DTNB: variants seen among roughly 807,000 people sequenced by gnomAD.
DTNB encodes the protein DTN-B.
Under a neutral mutation model 90.7 loss-of-function variants are expected in DTNB, and 63 were observed. The ratio of observed to expected loss-of-function variants is 0.69; its 90% confidence interval spans 0.57 to 0.86. The LOEUF (loss-of-function observed/expected upper bound fraction) is 0.86, where lower values mean the gene tolerates loss of function less well. Ranked by LOEUF, DTNB falls within the 40% of genes least tolerant of loss-of-function variation. The probability of loss-of-function intolerance (pLI) is 0.00; values close to 1 mark genes in which losing one functional copy is unlikely to be tolerated. For missense variants in DTNB, 744 were observed against 807.1 expected, an observed-to-expected ratio of 0.92 and a Z score of 0.95; for synonymous variants, 277 against 286.7, an observed-to-expected ratio of 0.97 and a Z score of 0.34.
chr2:25,470,481 T>C (rs2062591448), intron 10 of DTNB, among the ~76,000 whole-genome samples: 1 of 151,078 alleles, frequency 6.6e-6, no homozygotes, highest in South Asian at 2.1e-4. Context: ...GTTCAGGCAA[T>C]TCTCCTGCCT....
chr2:25,380,207 C>T (rs996312431), intron 19 of DTNB, among the ~76,000 whole-genome samples: 6 of 152,136 alleles, frequency 3.9e-5, no homozygotes, highest in Admixed American at 3.9e-4. Flanking sequence ...GTTTATATTA[C>T]GTCAGTATGG....
intron 8 of DTNB, among the ~76,000 whole-genome samples, chr2:25,561,877 C>G (rs916383024): frequency 6.6e-6 from 1 of 152,176 alleles, no homozygotes; most frequent in Non-Finnish European, 1.5e-5. Flanking sequence ...CTCAGGTATT[C>G]CTTTATAGTA....
intron 7 of DTNB, among the ~76,000 whole-genome samples, chr2:25,579,651 T>G (rs984428526): frequency 6.6e-6 from 1 of 151,790 alleles, no homozygotes; most frequent in Admixed American, 6.6e-5. Context: ...CAAAGATTTA[T>G]GTCAAATTAC....
intron 5 of DTNB, 28 bp from the exon 6 acceptor site, chr2:25,596,268 A>T: frequency 1.3e-6 from 2 of 1,569,550 alleles, no homozygotes; most frequent in South Asian, 2.4e-5. Flanking sequence ...AATAAAGTCA[A>T]GCTATAAGGA....
At position 25,637,802 on chromosome 2, in the gene DTNB, G is replaced by A. The variant is rs557792879; in HGVS notation, c.148+1212C>T. 1.9e-3 allele frequency among the ~76,000 whole-genome samples: 282 copies of A among 152,286 alleles called. 1 individual carries two copies. Among genetic ancestry groups the A allele is most frequent in the African/African-American group, 6.4e-3 (266 of 41,548 alleles). ...CAACCATTGTGGAAGACAGTGTGGC[G>A]ATTCCTCAAGGATCTAGAACTAGAA... On this transcript the variant is annotated intron_variant, in intron 3 of 20. Transcript: ENST00000406818.
rs1176853781 is a variant in DTNB, at chr2:25,616,949, AAAAGG to A, written c.363-9633_363-9629del. Reference sequence around the variant, plus strand: ...CCCGTCTCAAAAAAAAAAAAAAAAAAAAAGGAAAAAAAAGACTCATTAACCCCTCA... The same window carrying A: ...CCCGTCTCAAAAAAAAAAAAAAAAAAAAAAAAAAGACTCATTAACCCCTCA... On this transcript the variant is annotated intron_variant, in intron 4 of 20. Transcript: ENST00000406818. Among the ~76,000 whole-genome samples, 37 of 131,620 alleles carry A rather than the reference AAAAGG, an allele frequency of 2.8e-4. 1 individual carries two copies. Among genetic ancestry groups the A allele is most frequent in the South Asian group, 5.0e-4 (2 of 4,034 alleles). The allele number at this position is 131,620 out of a possible 152,430, so 86.3% of individuals were successfully genotyped here.
chr2:25,388,805 C>T (rs868360697), intron 16 of DTNB, among the ~76,000 whole-genome samples: 3 of 149,260 alleles, frequency 2.0e-5, no homozygotes, highest in Middle Eastern at 3.5e-3. Context: ...AAAGGACATA[C>T]GTGTGTGTGT....
At chr2:25,601,618 T>C (rs539943665) in intron 5 of DTNB, among the ~76,000 whole-genome samples, 48 of 152,158 alleles carry the variant, frequency 3.2e-4, no homozygotes, top group Non-Finnish European at 6.0e-4. Flanking sequence ...TTTTTGCAGA[T>C]GAAAGGGCTG....
At chr2:25,636,077 T>G (rs2077067765) in intron 3 of DTNB, among the ~76,000 whole-genome samples, 1 of 152,224 alleles carries the variant, frequency 6.6e-6, no homozygotes, top group Non-Finnish European at 1.5e-5. Flanking sequence ...AAATTGTTTA[T>G]TTTCTTCTGT....
intron 2 of DTNB, among the ~76,000 whole-genome samples, chr2:25,650,463 G>A (rs558913928): frequency 6.6e-6 from 1 of 152,288 alleles, no homozygotes; most frequent in South Asian, 2.1e-4. Context: ...TTGTGCAAAG[G>A]CGGAAAGGCA....
chr2:25,462,467 T>C (rs1033779943), intron 10 of DTNB, among the ~76,000 whole-genome samples: 2 of 152,170 alleles, frequency 1.3e-5, no homozygotes, highest in Non-Finnish European at 2.9e-5. Context: ...ATTGAGAGCA[T>C]GGGCTTTGGT....
intron 2 of DTNB, among the ~76,000 whole-genome samples, chr2:25,641,156 A>G (rs1342828778): frequency 1.3e-5 from 2 of 152,160 alleles, no homozygotes; most frequent in African/African-American, 2.4e-5. Context: ...ATGCATCACC[A>G]TAAAGCCCAG....
Position 25,383,906 on chromosome 2 carries a change from A to G in DTNB, c.1826-17T>C, listed in dbSNP as rs914517529. On this transcript the variant is annotated splice_polypyrimidine_tract_variant and intron_variant, in intron 18 of 20. Transcript: ENST00000406818. ...CTTCCTCTGCTGTGAAAACAAGTCCAAGGAGGCCAGTGACCCTTCGGCACA... is the reference window on the plus strand; with the variant it reads ...CTTCCTCTGCTGTGAAAACAAGTCCGAGGAGGCCAGTGACCCTTCGGCACA... The G allele has an allele frequency of 3.1e-6, 5 of 1,613,920 alleles. No homozygotes were observed. The highest frequency in any genetic ancestry group is 1.7e-5 in the Admixed American group (1 of 60,010).
intron 19 of DTNB, among the ~76,000 whole-genome samples, chr2:25,381,654 G>A (rs989778856): frequency 1.6e-4 from 24 of 152,338 alleles, no homozygotes; most frequent in African/African-American, 5.3e-4. Context: ...GGGATTACAG[G>A]TGTAAGCCAC....
intron 16 of DTNB, among the ~76,000 whole-genome samples, chr2:25,409,992 C>CT (rs1432598012): frequency 1.3e-5 from 2 of 152,218 alleles, no homozygotes; most frequent in South Asian, 2.1e-4. Flanking sequence ...GATCATGTCT[C>CT]TATTTTCACT....
chr2:25,615,331 G>A lies in DTNB; in HGVS notation c.363-8010C>T, dbSNP rs569502946. 1.2e-4 allele frequency among the ~76,000 whole-genome samples: 19 copies of A among 152,008 alleles called. No individual in the cohort carries two copies. The East Asian group carries it at 3.7e-3, about 29-fold the overall frequency. ...TTTAATAGAGGCTTCATTACCTAGG[G>A]GTGACTGATTATATCTTTGGCCACT... On this transcript the variant is annotated intron_variant, in intron 4 of 20. Transcript: ENST00000406818.
rs2040089317 is a variant in DTNB at position 25,388,269 on chromosome 2, G to A, written c.1668C>T (p.Thr556=). 1 of 1,610,578 alleles carries A rather than the reference G, an allele frequency of 6.2e-7. No homozygotes were observed. The highest frequency in any genetic ancestry group is 8.5e-7 in the Non-Finnish European group (1 of 1,178,740). Residue 556 remains threonine (T), a synonymous_variant, in exon 17 of 21, where the codon ACC becomes ACT. Transcript: ENST00000406818. ...MPVRSTSAGS[T]PTHCPQDSLS... ...GCGAGTCCTGCGGACAGTGGGTGGG[G>A]GTGGAGCCGGCAGACGTGGAGCGCA...
At chr2:25,452,442 A>G (rs1410859817) in intron 11 of DTNB, among the ~76,000 whole-genome samples, 7 of 152,234 alleles carry the variant, frequency 4.6e-5, no homozygotes. Flanking sequence ...GACTGTGGCT[A>G]TATAATTCTC....
chr2:25,582,308 G>A (rs1447604205), intron 6 of DTNB, among the ~76,000 whole-genome samples: 1 of 152,144 alleles, frequency 6.6e-6, no homozygotes, highest in East Asian at 1.9e-4. Flanking sequence ...CCCAACAAGA[G>A]TTCCTGTCTC....
Sources: allele counts gnomAD v4.1 joint callset (sites outside exome capture counted in the v4.1 genomes callset), GRCh38; gene constraint gnomAD v4.1.1; transcripts MANE v1.5; gene names NCBI Gene and HGNC (gene_info 2026-07-23, HGNC 2026-07-21).